ZCCHC4: variants seen among roughly 807,000 people sequenced by gnomAD.
ZCCHC4 encodes zinc finger CCHC-type containing 4, also known as rRNA N(6)-adenosine-methyltransferase ZCCHC4.
In ZCCHC4, 54 loss-of-function variants were observed where a neutral mutation model predicts 67.7. The ratio of observed to expected loss-of-function variants is 0.80; its 90% confidence interval spans 0.64 to 1.00. The LOEUF is 1.00. Among genes scored for constraint, ZCCHC4 ranks in the 50% least tolerant of loss-of-function variants. ZCCHC4 has a pLI of 0.00. For synonymous variants in ZCCHC4, 198 were observed against 213.5 expected (o/e 0.93, Z 0.63); for missense variants, 609 against 617.0 (o/e 0.99, Z 0.14).
intron 3 of ZCCHC4, among the ~76,000 whole-genome samples, chr4:25,324,522 T>C (rs1718758729): frequency 6.6e-6 from 1 of 152,238 alleles, no homozygotes. Flanking sequence ...TGAACATTTA[T>C]GTATATGTCC....
rs1721077222 is a variant in ZCCHC4, at chr4:25,369,823, A to T, written c.*659A>T. 1 of 152,220 alleles carries T rather than the reference A, an allele frequency of 6.6e-6. No homozygotes were observed. Among genetic ancestry groups the T allele is most frequent in the Non-Finnish European group, 1.5e-5 (1 of 68,036 alleles). 9.4% of individuals were successfully genotyped at this position (152,220 alleles called of 1,614,324 possible). A position where few individuals can be genotyped will look rare whatever the true frequency, so the allele number is the denominator to read the frequency against. ...CAGAAGAAAATGAAAGTGAAAACCTATGCAGTTTGTTTACCGTGAACATAA... is the reference window on the plus strand; with the variant it reads ...CAGAAGAAAATGAAAGTGAAAACCTTTGCAGTTTGTTTACCGTGAACATAA... On this transcript the variant is annotated 3_prime_UTR_variant, in exon 13 of 13. Transcript: ENST00000302874.
intron 12 of ZCCHC4, among the ~76,000 whole-genome samples, chr4:25,368,456 T>C (rs1184839009): frequency 6.6e-6 from 1 of 152,188 alleles, no homozygotes; most frequent in African/African-American, 2.4e-5. Flanking sequence ...CTTGTTTATT[T>C]TGAAGCTAAT....
rs139207342 is a variant in ZCCHC4, at chr4:25,331,589, G to A, written c.330-1594G>A. On this transcript the variant is annotated intron_variant, in intron 3 of 12. Coordinates refer to ENST00000302874, the MANE Select transcript of ZCCHC4 (RefSeq NM_024936.3). ...CCCAAAGTGCTGGGATTTCAGGCGT[G>A]AGCCACTGTTCCTGGCCTGTTCAAC... Among the ~76,000 whole-genome samples the A allele has an allele frequency of 2.3e-3, 348 of 152,314 alleles. 6 individuals are homozygous for A. Among genetic ancestry groups the A allele is most frequent in the Admixed American group, 0.02 (302 of 15,298 alleles).
intron 6 of ZCCHC4, 35 bp from the exon 7 acceptor site, chr4:25,349,457 G>T: frequency 6.2e-7 from 1 of 1,607,204 alleles, no homozygotes. Context: ...CCTCTCTCTA[G>T]TCCTAATTTA....
intron 3 of ZCCHC4, among the ~76,000 whole-genome samples, chr4:25,325,412 C>T (rs1453926653): frequency 4.0e-5 from 6 of 149,102 alleles, no homozygotes; most frequent in Non-Finnish European, 7.4e-5. Flanking sequence ...GGATTACAGG[C>T]GTGTGCCACC....
At position 25,345,560 on chromosome 4, in the gene ZCCHC4, T is replaced by G. The variant is rs1221729101; in HGVS notation, c.699T>G (p.Phe233Leu). 1.3e-6 allele frequency: 2 copies of G among 1,544,072 alleles called. No homozygotes were observed. The highest frequency in any genetic ancestry group is 2.7e-5 in the African/African-American group (2 of 73,524). The change falls in exon 6 of 13, where the codon TTT (phenylalanine) becomes TTG (leucine). Residue 233 changes from phenylalanine (F) to leucine (L), a missense_variant. Coordinates refer to ENST00000302874, the MANE Select transcript of ZCCHC4 (RefSeq NM_024936.3). ...AATTATTTTACAGGTATTCACAGTTTTATATGGAAGATAGCTTTTGCCATT... is the reference window on the plus strand; with the variant it reads ...AATTATTTTACAGGTATTCACAGTTGTATATGGAAGATAGCTTTTGCCATT... ...LLDIDFRYSQ[F>L]YMEDSFCHYN...
At chr4:25,328,047 T>G (rs186554563) in intron 3 of ZCCHC4, among the ~76,000 whole-genome samples, 8 of 152,340 alleles carry the variant, frequency 5.3e-5, no homozygotes, top group Admixed American at 2.0e-4. Flanking sequence ...TGTAGTTGCC[T>G]TGTAATTTTT....
intron 5 of ZCCHC4, among the ~76,000 whole-genome samples, chr4:25,343,135 A>G (rs1036434172): frequency 4.6e-5 from 7 of 152,208 alleles, no homozygotes; most frequent in African/African-American, 1.7e-4. Context: ...AAAGGCAGTT[A>G]TGTGAAATTT....
At chr4:25,333,062 TC>T (rs1247729224) in intron 3 of ZCCHC4, 120 bp from the exon 4 acceptor site, 254 of 963,370 alleles carry the variant, frequency 2.6e-4, no homozygotes, top group Non-Finnish European at 3.5e-4. Flanking sequence ...CTACTTTTCT[TC>T]TTTACGCAGT....
In ZCCHC4 at chr4:25,359,658, G is replaced by T. The variant is rs761421752; in HGVS notation, c.1012-2201G>T. ...GTGGATAGATTTGATTTTGGCCAGG[G>T]TCGACTAGGAGAGAATTGATAAGCA... On this transcript the variant is annotated intron_variant, in intron 8 of 12. Coordinates refer to ENST00000302874, the MANE Select transcript of ZCCHC4 (RefSeq NM_024936.3). The surrounding 1 kb of genome is among the most constrained non-coding windows in gnomAD (Gnocchi z 4.9). Among the ~76,000 whole-genome samples the T allele has an allele frequency of 3.3e-5, 5 of 152,212 alleles. No homozygotes were observed. The highest frequency in any genetic ancestry group is 7.3e-5 in the Non-Finnish European group (5 of 68,044).
intron 10 of ZCCHC4, among the ~76,000 whole-genome samples, chr4:25,364,046 T>C (rs1720854237): frequency 6.6e-6 from 1 of 152,240 alleles, no homozygotes; most frequent in African/African-American, 2.4e-5. Context: ...AACAGTAACC[T>C]GTAATCTATC....
At chr4:25,314,970 A>G (rs2109044385) in intron 2 of ZCCHC4, among the ~76,000 whole-genome samples, 1 of 152,294 alleles carries the variant, frequency 6.6e-6, no homozygotes, top group East Asian at 1.9e-4. Flanking sequence ...AAGTTTCTGA[A>G]AACTTTGACC....
Position 25,314,409 on chromosome 4 carries a change from G to A in ZCCHC4, c.246+245G>A, listed in dbSNP as rs115120632. On this transcript the variant is annotated intron_variant, in intron 2 of 12. Coordinates refer to ENST00000302874, the MANE Select transcript of ZCCHC4 (RefSeq NM_024936.3). ...TCTCTGAGGTGGTAATATTGGGTGG[G>A]GCTGATCTTCTGTGTGTTAGCTTGG... Among the ~76,000 whole-genome samples the A allele has an allele frequency of 4.1e-3, 627 of 152,254 alleles. 1 individual carries two copies. The highest frequency in any genetic ancestry group is 6.8e-3 in the Non-Finnish European group (462 of 68,014).
At chr4:25,325,647 A>G (rs1375456437) in intron 3 of ZCCHC4, among the ~76,000 whole-genome samples, 2 of 152,194 alleles carry the variant, frequency 1.3e-5, no homozygotes, top group Admixed American at 6.5e-5. Flanking sequence ...ACTTAAGAGT[A>G]TCTTTTGAAG....
intron 12 of ZCCHC4, chr4:25,365,419 C>A: frequency 8.0e-7 from 1 of 1,248,302 alleles, no homozygotes; most frequent in Non-Finnish European, 1.0e-6. Context: ...GTTAATTTTA[C>A]CTCTCCTTGG....
At chr4:25,323,781 A>G (rs1718706912) in intron 3 of ZCCHC4, among the ~76,000 whole-genome samples, 1 of 152,082 alleles carries the variant, frequency 6.6e-6, no homozygotes. Context: ...CACATATTTA[A>G]AATGTACCAT....
intron 8 of ZCCHC4, among the ~76,000 whole-genome samples, chr4:25,354,326 C>T (rs1247578218): frequency 1.3e-5 from 2 of 152,128 alleles, no homozygotes; most frequent in Admixed American, 6.5e-5. Flanking sequence ...TTATGCACTT[C>T]AGTGTATTGA....
At position 25,361,890 on chromosome 4, in the gene ZCCHC4, A is replaced by G. The variant is rs1323219199; in HGVS notation, c.1043A>G (p.His348Arg). ...TATGATAATCATGCACTTTATAAAC[A>G]CGGAAAGACAGGTCGAAAACAGTCT... ...VDYDNHALYK[H>R]GKTGRKQSPV... Residue 348 changes from histidine (H) to arginine (R), a missense_variant, in exon 9 of 13, where the codon CAC (histidine) becomes CGC (arginine). Coordinates refer to ENST00000302874, the MANE Select transcript of ZCCHC4 (RefSeq NM_024936.3). 1.2e-5 allele frequency: 20 copies of G among 1,613,342 alleles called. No individual in the cohort carries two copies. The highest frequency in any genetic ancestry group is 1.7e-5 in the Non-Finnish European group (20 of 1,179,722).
At chr4:25,344,955 A>G (rs2109076935) in intron 5 of ZCCHC4, among the ~76,000 whole-genome samples, 1 of 152,088 alleles carries the variant, frequency 6.6e-6, no homozygotes, top group East Asian at 1.9e-4. Context: ...GGCATGCATC[A>G]CCACGCCTGG....
Sources: allele counts gnomAD v4.1 joint callset (sites outside exome capture counted in the v4.1 genomes callset), GRCh38; gene constraint gnomAD v4.1.1; non-coding constraint Gnocchi (gnomAD v3.1); transcripts MANE v1.5; gene names NCBI Gene and HGNC (gene_info 2026-07-23, HGNC 2026-07-21).